Variants in ATAD3B observed in about 807,000 individuals in gnomAD.
ATAD3B encodes the protein ATPase family AAA domain-containing protein 3B.
A neutral mutation model predicts 70.2 loss-of-function variants in ATAD3B; 59 were observed. That is an observed-to-expected ratio of 0.84 (90% CI 0.68 to 1.04). The LOEUF is 1.04. Ranked by LOEUF, ATAD3B falls within the 50% of genes least tolerant of loss-of-function variation. ATAD3B has a pLI of 0.00. For synonymous variants in ATAD3B, 423 were observed against 388.6 expected (o/e 1.09, Z -1.04); for missense variants, 961 against 913.4 (o/e 1.05, Z -0.67).
At position 1,472,001 on chromosome 1, in the gene ATAD3B, C is replaced by T; in HGVS notation, c.117C>T (p.Asp39=). 1 of 1,240,294 alleles carries T rather than the reference C, an allele frequency of 8.1e-7. No homozygotes were observed. Among genetic ancestry groups the T allele is most frequent in the Non-Finnish European group, 1.0e-6 (1 of 989,796 alleles). The allele number at this position is 1,240,294 out of a possible 1,614,324, so 76.8% of individuals were successfully genotyped here. Residue 39 remains aspartate, a synonymous_variant, in exon 1 of 16, where the codon GAC becomes GAT. Coordinates refer to ENST00000673477, the MANE Select transcript of ATAD3B (RefSeq NM_031921.6). ...GCGGCGGGGACCGCGGTTTGGGAGA[C>T]CGGCCGGCGCCCAAGGACAAATGGA... The part of the protein sequence containing the change: ...AEGGGDRGLG[D]RPAPKDKWSN...
At position 1,495,567 on chromosome 1, in the gene ATAD3B, G is replaced by C. The variant is rs576276666; in HGVS notation, c.1697G>C (p.Arg566Pro). ...ACVQDAVQQY[R>P]QKMRWLKAEG... Reference sequence around the variant, plus strand: ...GTGCAAGATGCTGTCCAGCAGTACCGACAGAAGATGCGCTGGCTGAAGGCG... The same window carrying C: ...GTGCAAGATGCTGTCCAGCAGTACCCACAGAAGATGCGCTGGCTGAAGGCG... Residue 566 changes from arginine (R) to proline (P), a missense_variant, in exon 16 of 16, where the codon CGA (arginine) becomes CCA (proline). Coordinates refer to ENST00000673477, the MANE Select transcript of ATAD3B (RefSeq NM_031921.6). 4 of 1,613,236 alleles carry C rather than the reference G, an allele frequency of 2.5e-6. No individual in the cohort carries two copies. In the East Asian group the frequency reaches 8.9e-5, roughly 36 times the overall value.
intron 7 of ATAD3B, 185 bp from the exon 8 acceptor site, chr1:1,484,831 A>G: frequency 1.4e-6 from 2 of 1,393,062 alleles, no homozygotes; most frequent in Admixed American, 2.8e-5. Flanking sequence ...TGACTGCCCC[A>G]CCTGCCTCCT....
intron 4 of ATAD3B, among the ~76,000 whole-genome samples, chr1:1,479,919 C>A (rs1484333927): frequency 2.1e-5 from 3 of 144,646 alleles, no homozygotes; most frequent in Non-Finnish European, 3.0e-5. Flanking sequence ...GGCGCGCACA[C>A]ACCCGGACAT....
rs546285975 is a variant in ATAD3B at position 1,485,974 on chromosome 1, G to A, written c.963+136G>A. 1.4e-5 allele frequency: 23 copies of A among 1,589,646 alleles called. 1 individual carries two copies. Among genetic ancestry groups the A allele is most frequent in the Admixed American group, 6.9e-5 (4 of 58,034 alleles). On this transcript the variant is annotated intron_variant, in intron 9 of 15. Coordinates refer to ENST00000673477, the MANE Select transcript of ATAD3B (RefSeq NM_031921.6). Reference sequence around the variant, plus strand: ...GAGATGCAACTGCTTGGACTGTGCCGGGGATAGATAGGCTGCCCACGAGCT... The same window carrying A: ...GAGATGCAACTGCTTGGACTGTGCCAGGGATAGATAGGCTGCCCACGAGCT...
At chr1:1,486,038 T>A in intron 9 of ATAD3B, 72 bp from the exon 10 acceptor site, 1 of 1,607,846 alleles carries the variant, frequency 6.2e-7, no homozygotes, top group South Asian at 1.1e-5. Flanking sequence ...ACCCGGGCAT[T>A]CCCGCAGCCC....
chr1:1,479,343 C>G (rs1406833582), intron 4 of ATAD3B, among the ~76,000 whole-genome samples: 2 of 147,648 alleles, frequency 1.4e-5, no homozygotes, highest in African/African-American at 5.1e-5. Flanking sequence ...CAGACACACA[C>G]TCCTCGCACA....
chr1:1,483,385 T>A, intron 7 of ATAD3B: 1 of 261,102 alleles, frequency 3.8e-6, no homozygotes, highest in South Asian at 3.4e-5. Context: ...GAAAATTGGT[T>A]GAACCCAGGA....
chr1:1,482,578 T>G lies in ATAD3B; in HGVS notation c.714T>G (p.Arg238=). The change falls in exon 7 of 16, where the codon CGT becomes CGG. Residue 238 remains arginine (R), a synonymous_variant. Transcript: ENST00000673477. ...TAGTLFGEGF[R]AFVTDRDKVT... is the part of the protein sequence containing the mutation. ...GCACCTTGTTTGGGGAAGGATTCCG[T>G]GCCTTTGTGACAGACCGGGACAAAG... is the stretch of plus-strand genomic sequence containing the variant. The G allele has an allele frequency of 6.2e-7, 1 of 1,613,352 alleles. No individual in the cohort carries two copies. The highest frequency in any genetic ancestry group is 8.5e-7 in the Non-Finnish European group (1 of 1,179,534).
At chr1:1,497,865 A>AAAAG (rs1640841329), downstream of ATAD3B, 1 of 149,460 alleles carries the variant, frequency 6.7e-6, no homozygotes, top group African/African-American at 2.5e-5. Context: ...TTTAAAAAAA[A>AAAAG]AAAAAAAAGC....
chr1:1,500,064 A>G (rs1175019977), downstream of ATAD3B, among the ~76,000 whole-genome samples: 1 of 150,142 alleles, frequency 6.7e-6, no homozygotes, highest in Non-Finnish European at 1.5e-5. Context: ...CGCCCGGCTA[A>G]GTTTTTGTAT....
chr1:1,483,427 A>G lies in ATAD3B; in HGVS notation c.750+813A>G. On this transcript the variant is annotated intron_variant, in intron 7 of 15. Coordinates refer to ENST00000673477, the MANE Select transcript of ATAD3B (RefSeq NM_031921.6). ...AGTTGCAGTGAGCTGAAACCGCACA[A>G]TTGCACTCCAACCTGTGGAAGAAGA... 5 of 239,098 alleles carry G rather than the reference A, an allele frequency of 2.1e-5. No individual in the cohort carries two copies. The South Asian group carries it at 2.1e-4, about 10-fold the overall frequency. 14.8% of individuals were successfully genotyped at this position (239,098 alleles called of 1,614,324 possible). A position where few individuals can be genotyped will look rare whatever the true frequency, so the allele number is the denominator to read the frequency against.
intron 4 of ATAD3B, among the ~76,000 whole-genome samples, 194 bp downstream of exon 4, chr1:1,479,302 A>G (rs1191428398): frequency 3.4e-5 from 5 of 147,764 alleles, no homozygotes; most frequent in South Asian, 4.3e-4. Flanking sequence ...GTGTGCACAC[A>G]TGTACACGGA....
the ATAD3B span, among the ~76,000 whole-genome samples, chr1:1,507,876 C>A: frequency 6.6e-6 from 1 of 152,224 alleles, no homozygotes; most frequent in South Asian, 2.1e-4. Context: ...CAGAGAGCTC[C>A]CGGGCCTGGG....
chr1:1,498,758 A>G (rs1356146673), downstream of ATAD3B, among the ~76,000 whole-genome samples: 1 of 149,528 alleles, frequency 6.7e-6, no homozygotes, highest in Non-Finnish European at 1.5e-5. Flanking sequence ...GCTGGAGTGC[A>G]GTGGTGAGAT....
chr1:1,506,243 A>G, the ATAD3B span, among the ~76,000 whole-genome samples: 2 of 151,996 alleles, frequency 1.3e-5, no homozygotes, highest in Non-Finnish European at 2.9e-5. Context: ...GCAAAAAAAT[A>G]AAATAAGTTT....
chr1:1,481,514 ACAGGTATTTGGTGCCATGTGG>A (rs1484740889), intron 5 of ATAD3B, among the ~76,000 whole-genome samples: 4 of 57,306 alleles, frequency 7.0e-5, no homozygotes, highest in Non-Finnish European at 1.3e-4. Flanking sequence ...AGTGGGGATC[ACAGGTATTTGGTGCCATGTGG>A]CATTTGTTGG....
chr1:1,476,479 C>T (rs1337856629), intron 1 of ATAD3B, among the ~76,000 whole-genome samples: 2 of 151,420 alleles, frequency 1.3e-5, no homozygotes, highest in African/African-American at 4.9e-5. Context: ...CATCGGGGGT[C>T]CCTGCCTACT....
At chr1:1,500,787 A>T (rs1294186766), downstream of ATAD3B, among the ~76,000 whole-genome samples, 1 of 150,938 alleles carries the variant, frequency 6.6e-6, no homozygotes, top group Non-Finnish European at 1.5e-5. Flanking sequence ...CCCCGTCTCT[A>T]CTAAAAATAC....
the ATAD3B span, among the ~76,000 whole-genome samples, chr1:1,505,546 G>A: frequency 6.6e-6 from 1 of 152,154 alleles, no homozygotes; most frequent in Non-Finnish European, 1.5e-5. Context: ...AGTCTGCTAA[G>A]TAGCGGGTGT....
Sources: allele counts gnomAD v4.1 joint callset (sites outside exome capture counted in the v4.1 genomes callset), GRCh38; gene constraint gnomAD v4.1.1; transcripts MANE v1.5; gene names NCBI Gene and HGNC (gene_info 2026-07-23, HGNC 2026-07-21).